The following PCSK5 variants were observed in gnomAD, a reference collection of about 807,000 sequenced individuals.
PCSK5 encodes the protein proprotein convertase subtilisin/kexin type 5, also known as prohormone convertase 5.
PCSK5 carries 129 observed loss-of-function variants against 233.2 expected under a neutral mutation model. The ratio of observed to expected loss-of-function variants is 0.55; its 90% CI spans 0.48 to 0.64. The LOEUF is 0.64. PCSK5 is among the 30% of genes least tolerant of loss of function. PCSK5 has a pLI of 0.00. For synonymous variants in PCSK5, 825 were observed against 879.2 expected, an observed-to-expected ratio of 0.94 and a Z score of 1.09; for missense variants, 2,076 against 2,430.1, an observed-to-expected ratio of 0.85 and a Z score of 3.06.
intron 10 of PCSK5, among the ~76,000 whole-genome samples, chr9:76,151,102 C>T (rs553398078): frequency 3.3e-5 from 5 of 151,662 alleles, no homozygotes; most frequent in Admixed American, 2.0e-4. Context: ...GTTTCATGCT[C>T]TCCTCCTGTC....
chr9:75,929,779 G>A (rs1164444921), intron 1 of PCSK5, among the ~76,000 whole-genome samples: 1 of 152,084 alleles, frequency 6.6e-6, no homozygotes, highest in East Asian at 1.9e-4. Context: ...GAGGGTGAAA[G>A]GCACGTCTCA....
intron 24 of PCSK5, among the ~76,000 whole-genome samples, chr9:76,260,748 A>G (rs893288089): frequency 6.6e-6 from 1 of 152,162 alleles, no homozygotes; most frequent in African/African-American, 2.4e-5. Context: ...CAGACTTCTA[A>G]CCTACAGGAC....
intron 24 of PCSK5, among the ~76,000 whole-genome samples, chr9:76,266,617 A>G (rs755041046): frequency 3.3e-5 from 5 of 152,220 alleles, no homozygotes; most frequent in Non-Finnish European, 7.3e-5. Flanking sequence ...TCAGTGCCAA[A>G]CTTCTTAGAA....
At chr9:75,949,543 T>A (rs2131319806) in intron 2 of PCSK5, among the ~76,000 whole-genome samples, 1 of 152,192 alleles carries the variant, frequency 6.6e-6, no homozygotes, top group East Asian at 1.9e-4. Flanking sequence ...TATTTATTTA[T>A]TTTTTGAGAC....
chr9:76,187,120 C>A (rs76377424), intron 17 of PCSK5, among the ~76,000 whole-genome samples: 1 of 151,970 alleles, frequency 6.6e-6, no homozygotes. Context: ...TTTGTACTTT[C>A]CAAATTTTTT....
Position 76,095,870 on chromosome 9 carries a change from C to T in PCSK5, c.895-20C>T, listed in dbSNP as rs375445492. 14 of 1,609,524 alleles carry T rather than the reference C, an allele frequency of 8.7e-6. No individual in the cohort carries two copies. In the African/African-American group the frequency reaches 1.5e-4, roughly 17 times the overall value. ...AGAGTCATTTCACACCATCATTTAG[C>T]TTTCTCTGTTTGTGAACAGGGGCGG... On this transcript the variant is annotated intron_variant, in intron 7 of 37. Coordinates refer to ENST00000674117, the MANE Select transcript of PCSK5 (RefSeq NM_001372043.1).
At chr9:76,262,271 A>C (rs932995817) in intron 24 of PCSK5, among the ~76,000 whole-genome samples, 3 of 152,150 alleles carry the variant, frequency 2.0e-5, no homozygotes, top group Non-Finnish European at 2.9e-5. Context: ...AATTGGAAAA[A>C]ACTACTTTAA....
chr9:76,283,951 G>A (rs890963522), intron 24 of PCSK5, among the ~76,000 whole-genome samples: 7 of 152,116 alleles, frequency 4.6e-5, no homozygotes, highest in African/African-American at 1.4e-4. Flanking sequence ...ATGTACATGC[G>A]AGTCAGAGAG....
Position 76,262,225 on chromosome 9 carries a change from C to A in PCSK5, c.3142+21541C>A, listed in dbSNP as rs549801425. Among the ~76,000 whole-genome samples, 179 of 150,570 alleles carry A rather than the reference C, an allele frequency of 1.2e-3. 1 individual carries two copies. Among genetic ancestry groups the A allele is most frequent in the African/African-American group, 4.0e-3 (165 of 41,158 alleles). ...CCCAAGGTAATTTATAGATTCAATG[C>A]CATCCCCATCAAGCTACCAATGACT... is the stretch of plus-strand genomic sequence containing the variant. On this transcript the variant is annotated intron_variant, in intron 24 of 37. Coordinates refer to ENST00000674117, the MANE Select transcript of PCSK5 (RefSeq NM_001372043.1).
At chr9:76,285,352 T>C (rs1047868475) in intron 24 of PCSK5, among the ~76,000 whole-genome samples, 1 of 152,192 alleles carries the variant, frequency 6.6e-6, no homozygotes, top group Non-Finnish European at 1.5e-5. Context: ...ATGGAACATT[T>C]GCAGATGTAG....
chr9:75,917,030 A>G (rs760558779), intron 1 of PCSK5, among the ~76,000 whole-genome samples: 26 of 152,140 alleles, frequency 1.7e-4, no homozygotes, highest in Non-Finnish European at 1.8e-4. Context: ...TTAGCTGGGC[A>G]TGGTGGCACG....
At chr9:76,057,501 A>T (rs1182163503) in intron 5 of PCSK5, among the ~76,000 whole-genome samples, 1 of 152,226 alleles carries the variant, frequency 6.6e-6, no homozygotes, top group African/African-American at 2.4e-5. Context: ...TGTATTATTT[A>T]ACTGTTACAT....
chr9:76,250,874 GGAGTGATT>G (rs2131344316), intron 24 of PCSK5, among the ~76,000 whole-genome samples: 1 of 152,272 alleles, frequency 6.6e-6, no homozygotes, highest in South Asian at 2.1e-4. Flanking sequence ...CTTGATTGTT[GGAGTGATT>G]GCATGACTAT....
chr9:76,184,610 C>G (rs1320955497), intron 16 of PCSK5, 63 bp from the exon 17 acceptor site: 1 of 1,063,968 alleles, frequency 9.4e-7, no homozygotes. Flanking sequence ...ATTAGAACAT[C>G]TCTGATGCTT....
chr9:76,299,849 G>T (rs1284812308), intron 27 of PCSK5, among the ~76,000 whole-genome samples: 1 of 152,206 alleles, frequency 6.6e-6, no homozygotes, highest in African/African-American at 2.4e-5. Flanking sequence ...TTTGGGAATG[G>T]AAGCACTTTC....
In PCSK5 at chr9:76,354,013, CTCT is replaced by C; in HGVS notation, c.5068-18_5068-16del. 1 of 1,584,484 alleles carries C rather than the reference CTCT, an allele frequency of 6.3e-7. No individual in the cohort carries two copies. Among genetic ancestry groups the C allele is most frequent in the Non-Finnish European group, 8.6e-7 (1 of 1,163,242 alleles). ...TAATCCCTTTACACTCAAAAGGAAC[CTCT>C]TGATTGCTCTTAACAGGGAGAGAAG... On this transcript the variant is annotated splice_polypyrimidine_tract_variant and intron_variant, in intron 36 of 37. Coordinates refer to ENST00000674117, the MANE Select transcript of PCSK5 (RefSeq NM_001372043.1).
intron 8 of PCSK5, among the ~76,000 whole-genome samples, chr9:76,097,627 G>A (rs138790278): frequency 6.6e-6 from 1 of 152,306 alleles, no homozygotes; most frequent in East Asian, 1.9e-4. Context: ...TGAGATATTT[G>A]TAGTTGAGTA....
Position 76,323,299 on chromosome 9 carries a change from C to T in PCSK5, c.4339+11C>T. 1 of 1,521,174 alleles carries T rather than the reference C, an allele frequency of 6.6e-7. No homozygotes were observed. Among genetic ancestry groups the T allele is most frequent in the Non-Finnish European group, 9.1e-7 (1 of 1,098,640 alleles). 94.2% of individuals were successfully genotyped at this position (1,521,174 alleles called of 1,614,324 possible). ...CTAAGGAGTGCAGAGGTAAAGACTT[C>T]TGGGATTCAAAATAGGCTCCGGGGT... On this transcript the variant is annotated intron_variant, in intron 32 of 37. Transcript: ENST00000674117.
chr9:76,104,470 C>T lies in PCSK5; in HGVS notation c.1108-2781C>T, dbSNP rs538080274. Among the ~76,000 whole-genome samples, 10 of 152,160 alleles carry T rather than the reference C, an allele frequency of 6.6e-5. No homozygotes were observed. In the South Asian group the frequency reaches 8.3e-4, roughly 13 times the overall value. On this transcript the variant is annotated intron_variant, in intron 8 of 37. Transcript: ENST00000674117. ...GGGATTTGGAATTACACAGATGTGC[C>T]GACATTAATAGCATTTAACACTTCA...
Sources: allele counts gnomAD v4.1 joint callset (sites outside exome capture counted in the v4.1 genomes callset), GRCh38; gene constraint gnomAD v4.1.1; transcripts MANE v1.5; gene names NCBI Gene and HGNC (gene_info 2026-07-23, HGNC 2026-07-21).